MTBP: variants seen among roughly 807,000 people sequenced by gnomAD.
MTBP encodes the protein MDM2 binding protein, also known as mdm2-binding protein.
MTBP carries 101 observed loss-of-function variants against 117.0 expected under a neutral mutation model. That is an observed-to-expected ratio of 0.86 (90% CI 0.73 to 1.02). MTBP has a LOEUF of 1.02. MTBP is among the 50% of genes least tolerant of loss of function. MTBP has a pLI of 0.00. For synonymous variants in MTBP, 350 were observed against 351.5 expected, an observed-to-expected ratio of 1.00 and a Z score of 0.05; for missense variants, 970 against 1,030.9, an observed-to-expected ratio of 0.94 and a Z score of 0.81.
chr8:120,452,074 T>C (rs1326478619), intron 4 of MTBP: 3 of 152,176 alleles, frequency 2.0e-5, no homozygotes, highest in Non-Finnish European at 4.4e-5. Flanking sequence ...CATGATTGAG[T>C]TCACTTTTAG....
intron 12 of MTBP, 105 bp from the exon 13 acceptor site, chr8:120,490,358 T>G (rs537027278): frequency 1.5e-6 from 1 of 674,160 alleles, no homozygotes; most frequent in Admixed American, 3.2e-5. Flanking sequence ...GATTGACTTT[T>G]ATTTTTTGTT....
At chr8:120,484,464 ACTTT>A (rs915432938) in intron 11 of MTBP, among the ~76,000 whole-genome samples, 12 of 152,106 alleles carry the variant, frequency 7.9e-5, no homozygotes, top group Non-Finnish European at 1.3e-4. Context: ...AAATTACAGT[ACTTT>A]CTTAGTATTT....
rs1224925108 is a variant in MTBP, at chr8:120,518,101, G to T, written c.2496+1G>T. The T allele has an allele frequency of 6.2e-7, 1 of 1,609,894 alleles. No homozygotes were observed. The highest frequency in any genetic ancestry group is 1.3e-5 in the African/African-American group (1 of 74,672). On this transcript the variant is annotated splice_donor_variant, in intron 19 of 21. Transcript: ENST00000305949. LOFTEE classifies it high-confidence loss of function. ...ATCAAGATCACAGAAACACACACGG[G>T]TAAAGATTTATTTCCCATTTTTCTT...
At chr8:120,504,627 G>A (rs1158106095) in intron 15 of MTBP, among the ~76,000 whole-genome samples, 4 of 152,106 alleles carry the variant, frequency 2.6e-5, no homozygotes, top group Admixed American at 6.5e-5. Context: ...CATGGTATGA[G>A]ATGTTTTAGA....
At chr8:120,457,058 C>T (rs894752841) in intron 7 of MTBP, among the ~76,000 whole-genome samples, 1 of 152,050 alleles carries the variant, frequency 6.6e-6, no homozygotes, top group Non-Finnish European at 1.5e-5. Context: ...GTGTAAACTA[C>T]TAGAAAAAAC....
At chr8:120,490,180 C>G (rs760186437) in intron 12 of MTBP, among the ~76,000 whole-genome samples, 10 of 152,114 alleles carry the variant, frequency 6.6e-5, no homozygotes, top group Admixed American at 5.2e-4. Flanking sequence ...GATTTCTGAT[C>G]AGGTAGAAGA....
intron 10 of MTBP, among the ~76,000 whole-genome samples, chr8:120,469,748 C>A (rs1031512973): frequency 6.6e-6 from 1 of 152,162 alleles, no homozygotes; most frequent in Non-Finnish European, 1.5e-5. Flanking sequence ...GCGAGAAATG[C>A]TCATTAAAAT....
At position 120,516,112 on chromosome 8, in the gene MTBP, T is replaced by A; in HGVS notation, c.2167T>A (p.Leu723Ile). Reference sequence around the variant, plus strand: ...TGGAAGTGTCCCTGACGGAGAAGTTTTACAAAATGAACTTCGAACTGAAGT... The same window carrying A: ...TGGAAGTGTCCCTGACGGAGAAGTTATACAAAATGAACTTCGAACTGAAGT... Reference protein sequence around the residue: ...DPGSVPDGEVLQNELRTEVSR... With the variant: ...DPGSVPDGEVIQNELRTEVSR... Residue 723 changes from leucine to isoleucine, a missense_variant, in exon 18 of 22, where the codon TTA (leucine) becomes ATA (isoleucine). Physicochemically the swap from Leu to Ile is conservative, Grantham distance 5. Transcript: ENST00000305949. 1 of 1,612,878 alleles carries A rather than the reference T, an allele frequency of 6.2e-7. No homozygotes were observed. Among genetic ancestry groups the A allele is most frequent in the Non-Finnish European group, 8.5e-7 (1 of 1,179,148 alleles).
intron 10 of MTBP, among the ~76,000 whole-genome samples, chr8:120,468,786 T>A (rs986580178): frequency 2.0e-5 from 3 of 152,096 alleles, no homozygotes; most frequent in African/African-American, 7.2e-5. Flanking sequence ...CTGTCATGGA[T>A]CAGAATGGCA....
intron 11 of MTBP, among the ~76,000 whole-genome samples, chr8:120,486,794 T>C (rs961769871): frequency 3.3e-5 from 5 of 152,140 alleles, no homozygotes; most frequent in Non-Finnish European, 7.3e-5. Context: ...AGCCACAACC[T>C]GCTTCTTCCC....
Position 120,518,099 on chromosome 8 carries a change from G to A in MTBP, c.2495G>A (p.Arg832Gln), listed in dbSNP as rs767972574. The A allele has an allele frequency of 4.3e-6, 7 of 1,610,052 alleles. No homozygotes were observed. Among genetic ancestry groups the A allele is most frequent in the African/African-American group, 1.3e-5 (1 of 74,786 alleles). ...GAATCAAGATCACAGAAACACACAC[G>A]GGTAAAGATTTATTTCCCATTTTTC... is the stretch of plus-strand genomic sequence containing the variant. ...IKESRSQKHT[R>Q]ILKEVVTETL... The change falls in exon 19 of 22, where the codon CGG becomes CAG. Residue 832 changes from arginine to glutamine, a missense_variant and splice_region_variant. By Grantham distance (43) the Arg-to-Gln change is conservative. Transcript: ENST00000305949.
chr8:120,445,481 A>G lies in MTBP; in HGVS notation c.11A>G (p.Tyr4Cys). Reference sequence around the variant, plus strand: ...GTGATCTCTGAGGAGATGGATCGGTACCTGCTGCTGGTGATCTGGGGGGAA... The same window carrying G: ...GTGATCTCTGAGGAGATGGATCGGTGCCTGCTGCTGGTGATCTGGGGGGAA... The part of the protein sequence containing the change: MDR[Y>C]LLLVIWGEGK... Residue 4 changes from tyrosine (Y) to cysteine (C), a missense_variant, in exon 1 of 22, where the codon TAC (tyrosine) becomes TGC (cysteine). By Grantham distance (194) the Tyr-to-Cys change is radical. Transcript: ENST00000305949. The G allele has an allele frequency of 6.2e-7, 1 of 1,613,328 alleles. No individual in the cohort carries two copies. The highest frequency in any genetic ancestry group is 8.5e-7 in the Non-Finnish European group (1 of 1,179,708).
intron 11 of MTBP, chr8:120,473,487 T>C (rs1242076552): frequency 6.6e-6 from 1 of 152,190 alleles, no homozygotes; most frequent in East Asian, 1.9e-4. Flanking sequence ...TCATTGTCTT[T>C]TTCGCTGTGA....
intron 2 of MTBP, among the ~76,000 whole-genome samples, chr8:120,449,632 G>A (rs1813297477): frequency 6.6e-6 from 1 of 152,136 alleles, no homozygotes; most frequent in Non-Finnish European, 1.5e-5. Context: ...GGATAGTAGG[G>A]AGAACAGAAA....
intron 11 of MTBP, among the ~76,000 whole-genome samples, chr8:120,485,931 C>T (rs144552660): frequency 3.0e-3 from 454 of 152,252 alleles, no homozygotes; most frequent in Non-Finnish European, 5.1e-3. Flanking sequence ...ACTCACTTTG[C>T]CTTTCCCTGA....
chr8:120,481,344 CG>C (rs1814080573), intron 11 of MTBP, among the ~76,000 whole-genome samples: 1 of 152,078 alleles, frequency 6.6e-6, no homozygotes, highest in Non-Finnish European at 1.5e-5. Context: ...GAAATGAGAA[CG>C]TATGTTTACA....
intron 9 of MTBP, among the ~76,000 whole-genome samples, chr8:120,461,605 C>T (rs1813584792): frequency 6.6e-6 from 1 of 152,160 alleles, no homozygotes; most frequent in Non-Finnish European, 1.5e-5. Context: ...ATAATGTTCT[C>T]TGCTTGAGCA....
chr8:120,478,866 C>T (rs573106346), intron 11 of MTBP, among the ~76,000 whole-genome samples: 1 of 151,894 alleles, frequency 6.6e-6, no homozygotes, highest in African/African-American at 2.4e-5. Context: ...TACTATGCAG[C>T]CATAAAAAAT....
intron 21 of MTBP, among the ~76,000 whole-genome samples, chr8:120,523,021 T>C (rs1815032117): frequency 6.6e-6 from 1 of 152,174 alleles, no homozygotes; most frequent in Non-Finnish European, 1.5e-5. Flanking sequence ...TTTAGTTTAT[T>C]TGATTGACCA....
Sources: gnomAD v4.1 joint callset for allele counts (sites outside exome capture counted in the v4.1 genomes callset) on GRCh38, gnomAD v4.1.1 for gene constraint, MANE v1.5 for transcripts, NCBI Gene and HGNC (gene_info 2026-07-23, HGNC 2026-07-21) for gene names.